KIAA0825: variants seen among roughly 807,000 people sequenced by gnomAD.
KIAA0825 encodes the protein KIAA0825.
A neutral mutation model predicts 147.6 loss-of-function variants in KIAA0825; 119 were observed. The observed-to-expected ratio is 0.81, with a 90% CI of 0.69 to 0.94. The LOEUF (loss-of-function observed/expected upper bound fraction) is 0.94, where lower values mean the gene tolerates loss of function less well. KIAA0825 is among the 40% of genes least tolerant of loss of function. The pLI is 0.00. For missense variants in KIAA0825, 1,381 were observed against 1,472.7 expected (o/e 0.94, Z 1.02); for synonymous variants, 470 against 518.1 (o/e 0.91, Z 1.26).
At chr5:94,499,252 G>A (rs961440150) in intron 5 of KIAA0825, among the ~76,000 whole-genome samples, 3 of 152,134 alleles carry the variant, frequency 2.0e-5, no homozygotes, top group Non-Finnish European at 4.4e-5. Context: ...TGAGAAACAA[G>A]GCCCAGGTTC....
intron 2 of KIAA0825, among the ~76,000 whole-genome samples, chr5:94,552,564 C>T (rs1775743242): frequency 1.3e-5 from 2 of 151,882 alleles, no homozygotes; most frequent in South Asian, 4.1e-4. Context: ...AGTACCTTTT[C>T]TTATCACAAT....
intron 2 of KIAA0825, among the ~76,000 whole-genome samples, chr5:94,578,531 T>C (rs1781476725): frequency 6.6e-6 from 1 of 152,194 alleles, no homozygotes; most frequent in Non-Finnish European, 1.5e-5. Flanking sequence ...TTTTCTGTTC[T>C]TTATACAATT....
Position 94,520,782 on chromosome 5 carries a change from G to A in KIAA0825, c.436C>T (p.Leu146Phe). ...TSFHFLSRTS[L>F]HSVEDNSSMD... ...GAGGAATTATCTTCAACAGAATGAA[G>A]AGACGTCCTAGAGAGGAAATGGAAA... Residue 146 changes from leucine to phenylalanine, a missense_variant, in exon 5 of 21, where the codon CTT (leucine) becomes TTT (phenylalanine). Coordinates refer to ENST00000682413, the MANE Select transcript of KIAA0825 (RefSeq NM_001145678.3). 2 of 1,613,216 alleles carry A rather than the reference G, an allele frequency of 1.2e-6. No homozygotes were observed. Among genetic ancestry groups the A allele is most frequent in the South Asian group, 2.2e-5 (2 of 91,064 alleles).
intron 20 of KIAA0825, among the ~76,000 whole-genome samples, chr5:94,281,413 A>C (rs1325141308): frequency 6.6e-6 from 1 of 152,082 alleles, no homozygotes; most frequent in East Asian, 1.9e-4. Flanking sequence ...CACACATTAA[A>C]ACCACCTGGG....
intron 13 of KIAA0825, among the ~76,000 whole-genome samples, chr5:94,452,660 C>T (rs1279060290): frequency 3.9e-5 from 6 of 152,086 alleles, no homozygotes; most frequent in South Asian, 2.1e-4. Context: ...TTGAGAACTG[C>T]CAAATCCCCA....
rs1766612924 is a variant in KIAA0825 at position 94,152,842 on chromosome 5, AAAAAAAAAAAAAATTAT to A, written c.*1148_*1164del. 1 of 35,270 alleles carries A rather than the reference AAAAAAAAAAAAAATTAT, an allele frequency of 2.8e-5. No homozygotes were observed. Among genetic ancestry groups the A allele is most frequent in the Non-Finnish European group, 5.6e-5 (1 of 17,878 alleles). The allele number at this position is 35,270 out of a possible 1,614,324, so 2.2% of individuals were successfully genotyped here. A position where few individuals can be genotyped will look rare whatever the true frequency, so the allele number is the denominator to read the frequency against. On this transcript the variant is annotated 3_prime_UTR_variant, in exon 21 of 21. Coordinates refer to ENST00000682413, the MANE Select transcript of KIAA0825 (RefSeq NM_001145678.3). ...AAATGAAAAAAAAAAAAAAAAAAAA[AAAAAAAAAAAAAATTAT>A]ATATATATATATATATATATATATA...
At chr5:94,590,161 A>G (rs1784089149) in intron 1 of KIAA0825, among the ~76,000 whole-genome samples, 1 of 152,004 alleles carries the variant, frequency 6.6e-6, no homozygotes, top group Admixed American at 6.6e-5. Flanking sequence ...CACCTGGCTA[A>G]TTTTTGCATT....
chr5:94,324,572 T>C (rs1196197533), intron 20 of KIAA0825, among the ~76,000 whole-genome samples: 1 of 152,028 alleles, frequency 6.6e-6, no homozygotes, highest in Non-Finnish European at 1.5e-5. Context: ...AGGAATTGAT[T>C]CAGTCTTTGT....
At chr5:94,233,312 A>G (rs2150089526) in intron 20 of KIAA0825, among the ~76,000 whole-genome samples, 1 of 152,368 alleles carries the variant, frequency 6.6e-6, no homozygotes, top group Middle Eastern at 3.4e-3. Flanking sequence ...CAACTCTTCT[A>G]TAGTGATGAG....
At chr5:94,442,423 G>A (rs1338424903) in intron 13 of KIAA0825, among the ~76,000 whole-genome samples, 2 of 152,124 alleles carry the variant, frequency 1.3e-5, no homozygotes, top group East Asian at 3.9e-4. Context: ...GAAGAAGGGT[G>A]TTACTAAACT....
At chr5:94,486,161 CT>C (rs1763034312) in intron 5 of KIAA0825, among the ~76,000 whole-genome samples, 1 of 151,880 alleles carries the variant, frequency 6.6e-6, no homozygotes, top group Admixed American at 6.6e-5. Flanking sequence ...TTATTAATGC[CT>C]TTTATTAAAA....
At chr5:94,348,335 C>A (rs1178802093) in intron 20 of KIAA0825, among the ~76,000 whole-genome samples, 1 of 152,152 alleles carries the variant, frequency 6.6e-6, no homozygotes, top group Non-Finnish European at 1.5e-5. Context: ...CACCTAGGTA[C>A]ACTGTCATCA....
intron 1 of KIAA0825, among the ~76,000 whole-genome samples, chr5:94,582,896 G>A (rs1290669275): frequency 6.6e-6 from 1 of 152,122 alleles, no homozygotes; most frequent in Admixed American, 6.5e-5. Context: ...CACAAAGAGA[G>A]TAACGTGTGG....
chr5:94,497,626 T>C (rs924345497), intron 5 of KIAA0825, among the ~76,000 whole-genome samples: 3 of 152,340 alleles, frequency 2.0e-5, no homozygotes, highest in Admixed American at 1.3e-4. Context: ...AATGGCTCTA[T>C]AATCCATACT....
chr5:94,313,923 T>C (rs768568472), intron 20 of KIAA0825, among the ~76,000 whole-genome samples: 2 of 151,626 alleles, frequency 1.3e-5, no homozygotes, highest in African/African-American at 4.8e-5. Flanking sequence ...ACAAAGTCAG[T>C]ATCAATCAGT....
chr5:94,299,890 G>A (rs1778308993), intron 20 of KIAA0825, among the ~76,000 whole-genome samples: 1 of 151,164 alleles, frequency 6.6e-6, no homozygotes, highest in African/African-American at 2.4e-5. Context: ...GAAAATGAGG[G>A]CAAAGAAATA....
At chr5:94,358,044 C>T (rs975075497) in intron 20 of KIAA0825, among the ~76,000 whole-genome samples, 1 of 152,110 alleles carries the variant, frequency 6.6e-6, no homozygotes, top group Non-Finnish European at 1.5e-5. Context: ...CTATCTTCAT[C>T]AGAACTAGGA....
At chr5:94,551,519 T>C (rs1293899411) in intron 2 of KIAA0825, among the ~76,000 whole-genome samples, 1 of 152,052 alleles carries the variant, frequency 6.6e-6, no homozygotes, top group Non-Finnish European at 1.5e-5. Flanking sequence ...AGAGCAGATT[T>C]CTCAGCAGAA....
chr5:94,319,830 C>G (rs1779995241), intron 20 of KIAA0825, among the ~76,000 whole-genome samples: 1 of 151,898 alleles, frequency 6.6e-6, no homozygotes, highest in Admixed American at 6.6e-5. Context: ...TGCATTCCTT[C>G]AACTCCAACA....
Sources: allele counts gnomAD v4.1 joint callset (sites outside exome capture counted in the v4.1 genomes callset), GRCh38; gene constraint gnomAD v4.1.1; transcripts MANE v1.5; gene names NCBI Gene and HGNC (gene_info 2026-07-23, HGNC 2026-07-21).